MGAM: variants seen among roughly 807,000 people sequenced by gnomAD.
MGAM encodes the protein maltase-glucoamylase.
In MGAM, 253 loss-of-function variants were observed where a neutral mutation model predicts 358.8. That is an observed-to-expected ratio of 0.71 (90% CI 0.64 to 0.78). The LOEUF (loss-of-function observed/expected upper bound fraction) is 0.78. Among genes scored for constraint, MGAM ranks in the 30% least tolerant of loss-of-function variants. The probability of loss-of-function intolerance (pLI) is 0.00; values close to 1 mark genes in which losing one functional copy is unlikely to be tolerated. For missense variants in MGAM, 3,080 were observed against 3,432.6 expected (o/e 0.90, Z 2.57); for synonymous variants, 1,105 against 1,227.1 (o/e 0.90, Z 2.08).
At chr7:142,068,534 G>T (rs1813044724) in intron 42 of MGAM, 113 bp from the exon 43 acceptor site, 2 of 846,254 alleles carry the variant, frequency 2.4e-6, no homozygotes, top group Admixed American at 2.1e-5. Context: ...CTTGGGACAT[G>T]AGGCAGCTGG....
chr7:142,076,491 G>A (rs1813749754), intron 46 of MGAM, 168 bp from the exon 47 acceptor site: 1 of 870,098 alleles, frequency 1.1e-6, no homozygotes, highest in Non-Finnish European at 1.9e-6. Flanking sequence ...TCAAATTAGA[G>A]GATTATCAAA....
At chr7:142,081,238 A>G (rs1814240211) in intron 50 of MGAM, among the ~76,000 whole-genome samples, 1 of 146,506 alleles carries the variant, frequency 6.8e-6, no homozygotes, top group African/African-American at 2.4e-5. Context: ...ATGACAACAA[A>G]TAATAAGTAA....
intron 36 of MGAM, 73 bp downstream of exon 36, chr7:142,063,659 G>T: frequency 6.6e-7 from 1 of 1,526,316 alleles, no homozygotes; most frequent in Non-Finnish European, 8.9e-7. Flanking sequence ...CCGAGGCCAG[G>T]GGCAGCCCCA....
chr7:142,040,801 G>A lies in MGAM; in HGVS notation c.2453G>A (p.Gly818Asp), dbSNP rs1332554660. Residue 818 changes from glycine (G) to aspartate (D), a missense_variant, in exon 21 of 71, where the codon GGC (glycine) becomes GAC (aspartate). Physicochemically the swap from Gly to Asp is moderately conservative, Grantham distance 94. Transcript: ENST00000475668. Reference protein sequence around the residue: ...GDKIGLHLRGGYIFPTQQPNT... With the variant: ...GDKIGLHLRGDYIFPTQQPNT... The stretch of plus-strand genomic sequence containing the variant: ...AAAATTGGACTTCACCTTCGAGGAG[G>A]CTACATCTTCCCCACACAGCAGCCA... 1 of 1,612,992 alleles carries A rather than the reference G, an allele frequency of 6.2e-7. No individual in the cohort carries two copies. Among genetic ancestry groups the A allele is most frequent in the Non-Finnish European group, 8.5e-7 (1 of 1,179,416 alleles).
At chr7:142,036,322 G>A in intron 17 of MGAM, 37 bp downstream of exon 17, 1 of 1,482,774 alleles carries the variant, frequency 6.7e-7, no homozygotes, top group Non-Finnish European at 9.3e-7. Context: ...AATAAATTTG[G>A]CATACATTAG....
chr7:142,078,479 G>C lies in MGAM; in HGVS notation c.5646+9G>C, dbSNP rs555149229. The C allele has an allele frequency of 1.4e-4, 214 of 1,538,102 alleles. 37 individuals carry two copies. The highest frequency in any genetic ancestry group is 4.8e-4 in the Admixed American group (27 of 56,438). ...GTGGCTGTATCTGGGAGGTAACCAT[G>C]CTGATGGGGTTCATGTGCATGAAAA... On this transcript the variant is annotated intron_variant, in intron 48 of 70. Coordinates refer to ENST00000475668, the MANE Select transcript of MGAM (RefSeq NM_001365693.1).
intron 34 of MGAM, among the ~76,000 whole-genome samples, chr7:142,061,385 C>T (rs541525558): frequency 1.8e-4 from 28 of 152,186 alleles, no homozygotes; most frequent in East Asian, 3.9e-4. Flanking sequence ...TTTCCTGGTT[C>T]CTACCTCCAT....
In MGAM at chr7:142,076,713, GC is replaced by G; in HGVS notation, c.5381del (p.Ala1794AspfsTer18). The G allele has an allele frequency of 6.4e-7, 1 of 1,552,282 alleles. No individual in the cohort carries two copies. Among genetic ancestry groups the G allele is most frequent in the Middle Eastern group, 1.7e-4 (1 of 5,950 alleles). ...AACCTACAAGGACCCCAATAATTTA[GC>G]ATTCAATGAGATTAAAATTCTTGGG... ...QSTYKDPNNL[A>X]FNEIKILGME... On this transcript the variant is annotated frameshift_variant, in exon 47 of 71. Coordinates refer to ENST00000475668, the MANE Select transcript of MGAM (RefSeq NM_001365693.1). LOFTEE classifies it high-confidence loss of function.
At chr7:142,046,064 A>AT (rs1810352034) in intron 21 of MGAM, among the ~76,000 whole-genome samples, 4 of 140,428 alleles carry the variant, frequency 2.8e-5, no homozygotes, top group South Asian at 4.3e-4. Flanking sequence ...TATGTAATAT[A>AT]ATATATAATA....
In MGAM at chr7:142,052,280, C is replaced by T; in HGVS notation, c.2806-14C>T. 6.3e-7 allele frequency: 1 copy of T among 1,584,752 alleles called. No individual in the cohort carries two copies. The highest frequency in any genetic ancestry group is 8.6e-7 in the Non-Finnish European group (1 of 1,164,218). On this transcript the variant is annotated splice_polypyrimidine_tract_variant and intron_variant, in intron 24 of 70. Transcript: ENST00000475668. Reference sequence around the variant, plus strand: ...CTAAAGATGAATTTCCTTATGATTTCCACATTCCTACAGGTTGCCATTATC... The same window carrying T: ...CTAAAGATGAATTTCCTTATGATTTTCACATTCCTACAGGTTGCCATTATC...
intron 21 of MGAM, among the ~76,000 whole-genome samples, chr7:142,047,329 C>T (rs1403898749): frequency 6.6e-6 from 1 of 152,006 alleles, no homozygotes; most frequent in East Asian, 1.9e-4. Context: ...ATAGATGGAC[C>T]TTATTATATG....
chr7:142,020,975 A>G lies in MGAM; in HGVS notation c.450A>G (p.Gly150=), dbSNP rs1364736413. ...AACCTTTTTTTTCTCCTATGTTAGG[A>G]TTCACAGCCCGGTTGAAAAATCTGC... ...VEGNLVNTNA[G]FTARLKNLPS... is the part of the protein sequence containing the mutation. The change falls in exon 5 of 71, where the codon GGA becomes GGG. Residue 150 remains glycine (G), a splice_region_variant and synonymous_variant. Coordinates refer to ENST00000475668, the MANE Select transcript of MGAM (RefSeq NM_001365693.1). 5 of 1,608,386 alleles carry G rather than the reference A, an allele frequency of 3.1e-6. No homozygotes were observed. The highest frequency in any genetic ancestry group is 4.3e-6 in the Non-Finnish European group (5 of 1,175,846).
Position 142,050,434 on chromosome 7 carries a change from A to C in MGAM, c.2637+150A>C, listed in dbSNP as rs1171780427. The C allele has an allele frequency of 8.7e-6, 10 of 1,143,394 alleles. No homozygotes were observed. The Admixed American group carries it at 1.0e-4, about 12-fold the overall frequency. 70.8% of individuals were successfully genotyped at this position (1,143,394 alleles called of 1,614,324 possible). A position where few individuals can be genotyped will look rare whatever the true frequency, so the allele number is the denominator to read the frequency against. ...TGAGTACATTTCTATTTATGATTTC[A>C]TCGATGTTTTCAAAAGGAGGCATTA... is the stretch of plus-strand genomic sequence containing the variant. On this transcript the variant is annotated intron_variant, in intron 23 of 70. Coordinates refer to ENST00000475668, the MANE Select transcript of MGAM (RefSeq NM_001365693.1).
intron 23 of MGAM, 47 bp downstream of exon 23, chr7:142,050,331 C>T (rs1292305581): frequency 6.4e-7 from 1 of 1,569,104 alleles, no homozygotes; most frequent in Admixed American, 1.7e-5. Flanking sequence ...TTTGGACTGA[C>T]CATTAGCACA....
chr7:142,041,216 C>A (rs984713886), intron 21 of MGAM, among the ~76,000 whole-genome samples: 5 of 152,116 alleles, frequency 3.3e-5, no homozygotes, highest in African/African-American at 1.2e-4. Flanking sequence ...ATCTCCAAGT[C>A]ACTGAATTTT....
At chr7:142,048,401 G>GC (rs779436901) in intron 22 of MGAM, among the ~76,000 whole-genome samples, 28 of 151,520 alleles carry the variant, frequency 1.8e-4, no homozygotes, top group Non-Finnish European at 2.5e-4. Context: ...GCCCGGCTCG[G>GC]CCCCCCAAAG....
rs1435288889 is a variant in MGAM at position 142,041,990 on chromosome 7, A to G, written c.2498+1144A>G. Among the ~76,000 whole-genome samples, 6 of 15,094 alleles carry G rather than the reference A, an allele frequency of 4.0e-4. 1 individual carries two copies. The highest frequency in any genetic ancestry group is 5.8e-4 in the Non-Finnish European group (5 of 8,558). 9.9% of individuals were successfully genotyped at this position (15,094 alleles called of 152,430 possible). ...ATATATTATATATATATAATATAAT[A>G]TATATATATTATATATATAATATAA... is the stretch of plus-strand genomic sequence containing the variant. On this transcript the variant is annotated intron_variant, in intron 21 of 70. Transcript: ENST00000475668.
chr7:141,988,351 T>G (rs545510079), intron 2 of MGAM, among the ~76,000 whole-genome samples: 1 of 150,562 alleles, frequency 6.6e-6, no homozygotes, highest in South Asian at 2.1e-4. Flanking sequence ...TGTCACACAA[T>G]GCAAAGTTGT....
At chr7:142,029,586 G>C (rs1807277718) in intron 10 of MGAM, among the ~76,000 whole-genome samples, 1 of 152,136 alleles carries the variant, frequency 6.6e-6, no homozygotes, top group Non-Finnish European at 1.5e-5. Context: ...GGAGTGTTTA[G>C]ACAGGGAATT....
Sources: gnomAD v4.1 joint callset for allele counts (sites outside exome capture counted in the v4.1 genomes callset) on GRCh38, gnomAD v4.1.1 for gene constraint, MANE v1.5 for transcripts, NCBI Gene and HGNC (gene_info 2026-07-23, HGNC 2026-07-21) for gene names.